GNG2: variants seen among roughly 807,000 people sequenced by gnomAD.
GNG2 encodes guanine nucleotide-binding protein G(I)/G(S)/G(O) subunit gamma-2.
Under a neutral mutation model 5.5 loss-of-function variants are expected in GNG2, and 5 were observed. That is an observed-to-expected ratio of 0.91 (90% CI 0.48 to 1.92). The LOEUF (loss-of-function observed/expected upper bound fraction) is 1.92, where lower values mean the gene tolerates loss of function less well. GNG2 is among the 30% of genes most tolerant of loss of function. GNG2 has a pLI of 0.01. For synonymous variants in GNG2, 28 were observed against 32.0 expected (o/e 0.88, Z 0.42); for missense variants, 55 against 88.4 (o/e 0.62, Z 1.52).
chr14:51,830,049 G>T (rs61970746), intron 2 of GNG2, among the ~76,000 whole-genome samples: 40,148 of 151,996 alleles, frequency 0.26, 6,401 homozygotes, highest in Non-Finnish European at 0.37. Flanking sequence ...CACCATATTG[G>T]CCAGGCTGGT....
chr14:51,883,801 C>T (rs1207701435), intron 2 of GNG2, among the ~76,000 whole-genome samples: 1 of 151,926 alleles, frequency 6.6e-6, no homozygotes, highest in East Asian at 1.9e-4. Flanking sequence ...CAGTTATATA[C>T]TATAACTGCT....
At chr14:51,891,189 C>G (rs915651444) in intron 2 of GNG2, among the ~76,000 whole-genome samples, 1 of 152,080 alleles carries the variant, frequency 6.6e-6, no homozygotes, top group Non-Finnish European at 1.5e-5. Context: ...GAGTGCGGGG[C>G]GGGATACCTT....
chr14:51,836,247 T>C (rs1452249484), intron 2 of GNG2, among the ~76,000 whole-genome samples: 1 of 151,958 alleles, frequency 6.6e-6, no homozygotes. Flanking sequence ...CCAAATGCCA[T>C]CACACTGGGG....
chr14:51,849,804 GC>G (rs1218022712), intron 2 of GNG2, among the ~76,000 whole-genome samples: 6 of 90,332 alleles, frequency 6.6e-5, no homozygotes, highest in Non-Finnish European at 8.8e-5. Flanking sequence ...CAAAGCAAAT[GC>G]TTTTTTTTTT....
intron 2 of GNG2, among the ~76,000 whole-genome samples, chr14:51,855,237 GAA>G (rs1312938211): frequency 6.6e-6 from 1 of 152,210 alleles, no homozygotes; most frequent in African/African-American, 2.4e-5. Flanking sequence ...TCTCTCTGAT[GAA>G]AGAGTTGGCT....
chr14:51,934,337 A>G (rs1224741493), intron 2 of GNG2, among the ~76,000 whole-genome samples: 1 of 152,124 alleles, frequency 6.6e-6, no homozygotes, highest in African/African-American at 2.4e-5. Context: ...TTTCCAACCA[A>G]CTGGGGTCTT....
Position 51,917,843 on chromosome 14 carries a change from C to T in GNG2, c.-29-32807C>T, listed in dbSNP as rs1228364654. 3.9e-5 allele frequency among the ~76,000 whole-genome samples: 6 copies of T among 151,958 alleles called. No individual in the cohort carries two copies. In the East Asian group the frequency reaches 5.8e-4, roughly 15 times the overall value. On this transcript the variant is annotated intron_variant, in intron 2 of 3. Coordinates refer to ENST00000556766, the MANE Select transcript of GNG2 (RefSeq NM_053064.5). Reference sequence around the variant, plus strand: ...GGGTTTGAGACCAGCCTGGCCAACACGTTGAAATCCTGTCTCTACTAAAAA... The same window carrying T: ...GGGTTTGAGACCAGCCTGGCCAACATGTTGAAATCCTGTCTCTACTAAAAA...
rs540906649 is a variant in GNG2 at position 51,928,968 on chromosome 14, C to T, written c.-29-21682C>T. On this transcript the variant is annotated intron_variant, in intron 2 of 3. Transcript: ENST00000556766. Reference sequence around the variant, plus strand: ...AATGATGTGCTTTCGTTGTTCTCACCGAACTATAACTTTAAGCATTTTTAA... The same window carrying T: ...AATGATGTGCTTTCGTTGTTCTCACTGAACTATAACTTTAAGCATTTTTAA... Among the ~76,000 whole-genome samples, 30 of 152,144 alleles carry T rather than the reference C, an allele frequency of 2.0e-4. 1 individual carries two copies. The South Asian group carries it at 6.2e-3, about 32-fold the overall frequency.
intron 2 of GNG2, among the ~76,000 whole-genome samples, chr14:51,854,584 A>C (rs1450301077): frequency 6.6e-6 from 1 of 151,844 alleles, no homozygotes. Context: ...ATCTTGGCTC[A>C]CTGCAACCTC....
At chr14:51,851,126 G>T (rs574523768) in intron 2 of GNG2, among the ~76,000 whole-genome samples, 64 of 152,298 alleles carry the variant, frequency 4.2e-4, no homozygotes, top group African/African-American at 1.4e-3. Context: ...AGGGTGGAAG[G>T]ATGATTTTTG....
chr14:51,839,482 G>T (rs8023020), intron 2 of GNG2, among the ~76,000 whole-genome samples: 40,228 of 152,018 alleles, frequency 0.26, 6,405 homozygotes, highest in Non-Finnish European at 0.36. Context: ...TCTTTTTTGG[G>T]AATAGAATGT....
intron 3 of GNG2, among the ~76,000 whole-genome samples, chr14:51,957,610 A>G (rs1249590011): frequency 6.6e-6 from 1 of 152,182 alleles, no homozygotes; most frequent in East Asian, 1.9e-4. Flanking sequence ...TCATAATACA[A>G]TCATCAGAAT....
At chr14:51,897,175 T>C (rs150071443) in intron 2 of GNG2, among the ~76,000 whole-genome samples, 103 of 152,362 alleles carry the variant, frequency 6.8e-4, no homozygotes, top group African/African-American at 2.3e-3. Context: ...CTTTGGCCTT[T>C]GGAAATTTAG....
intron 1 of GNG2, among the ~76,000 whole-genome samples, chr14:51,862,677 C>T (rs1315561569): frequency 2.0e-5 from 3 of 152,234 alleles, no homozygotes; most frequent in East Asian, 1.9e-4. Flanking sequence ...CCTTGCCCGA[C>T]GGGCATAGTA....
At position 51,950,780 on chromosome 14, in the gene GNG2, A is replaced by C; in HGVS notation, c.87+15A>C. 6.6e-7 allele frequency: 1 copy of C among 1,516,428 alleles called. No homozygotes were observed. The allele number at this position is 1,516,428 out of a possible 1,614,324, so 93.9% of individuals were successfully genotyped here. On this transcript the variant is annotated intron_variant, in intron 3 of 3. Transcript: ENST00000556766. Reference sequence around the variant, plus strand: ...ACAGGATAAAGGTGAGGATGGTCTAACCCCACACTTCATCTAGCGTGAGTC... The same window carrying C: ...ACAGGATAAAGGTGAGGATGGTCTACCCCCACACTTCATCTAGCGTGAGTC...
At chr14:51,925,357 G>C (rs112894755) in intron 2 of GNG2, among the ~76,000 whole-genome samples, 49 of 152,296 alleles carry the variant, frequency 3.2e-4, no homozygotes, top group African/African-American at 1.2e-3. Context: ...GAAAAACTGA[G>C]ACTGGATGTT....
At position 51,966,636 on chromosome 14, in the gene GNG2, G is replaced by A. The variant is rs140745818; in HGVS notation, c.165G>A (p.Pro55=). The A allele has an allele frequency of 3.1e-5, 50 of 1,613,650 alleles. 1 individual carries two copies. The highest frequency in any genetic ancestry group is 2.8e-4 in the African/African-American group (21 of 74,864). The change falls in exon 4 of 4, where the codon CCG becomes CCA. Residue 55 remains proline, a synonymous_variant. Transcript: ENST00000556766. ...AKEDPLLTPV[P]ASENPFREKK... ...AAGACCCCCTCCTGACCCCTGTTCC[G>A]GCTTCAGAAAACCCGTTTAGGGAGA... is the stretch of plus-strand genomic sequence containing the variant.
At chr14:51,869,110 T>C (rs544093367) in intron 1 of GNG2, among the ~76,000 whole-genome samples, 1 of 152,372 alleles carries the variant, frequency 6.6e-6, no homozygotes, top group East Asian at 1.9e-4. Flanking sequence ...CTAATTTGAA[T>C]AAGTGAAGAC....
At chr14:51,880,956 A>C (rs12890418) in intron 2 of GNG2, among the ~76,000 whole-genome samples, 1 of 139,830 alleles carries the variant, frequency 7.2e-6, no homozygotes, top group Admixed American at 7.3e-5. Context: ...GCTTAAAAAG[A>C]CAAAAAAAAA....
Sources: gnomAD v4.1 joint callset for allele counts (sites outside exome capture counted in the v4.1 genomes callset) on GRCh38, gnomAD v4.1.1 for gene constraint, MANE v1.5 for transcripts, NCBI Gene and HGNC (gene_info 2026-07-23, HGNC 2026-07-21) for gene names.